RAPGEF2: variants seen among roughly 807,000 people sequenced by gnomAD.
The protein encoded by RAPGEF2 is Rap guanine nucleotide exchange factor 2.
In RAPGEF2, 54 loss-of-function variants were observed where a neutral mutation model predicts 186.7. The observed-to-expected ratio is 0.29, with a 90% CI of 0.23 to 0.36. The LOEUF is 0.36. Ranked by LOEUF, RAPGEF2 falls within the 10% of genes least tolerant of loss-of-function variation. The pLI is 1.00. For missense variants in RAPGEF2, 1,532 were observed against 2,045.0 expected (o/e 0.75, Z 4.84); for synonymous variants, 712 against 705.9 (o/e 1.01, Z -0.14).
intron 7 of RAPGEF2, among the ~76,000 whole-genome samples, chr4:159,246,053 A>G (rs1021645740): frequency 2.0e-5 from 3 of 152,158 alleles, no homozygotes; most frequent in Non-Finnish European, 4.4e-5. Flanking sequence ...AATAAAACAT[A>G]CTTATAAAGT....
At chr4:159,180,152 C>G (rs4690932) in intron 1 of RAPGEF2, among the ~76,000 whole-genome samples, 151,279 of 152,334 alleles carry the variant, frequency 0.99, 75,128 homozygotes, top group East Asian at 1. Context: ...CTTCCGTTTT[C>G]CTTTTTGTTG....
chr4:159,133,714 G>A (rs1741370602), intron 1 of RAPGEF2, among the ~76,000 whole-genome samples: 1 of 152,118 alleles, frequency 6.6e-6, no homozygotes, highest in East Asian at 1.9e-4. Flanking sequence ...CTCCCGAGTA[G>A]CTGGGACTAC....
chr4:159,338,190 G>A, intron 17 of RAPGEF2, 121 bp from the exon 18 acceptor site: 6 of 768,394 alleles, frequency 7.8e-6, no homozygotes, highest in Non-Finnish European at 1.2e-5. Context: ...TTTATTAATG[G>A]TGTTTTTACA....
At chr4:159,142,693 TTTAAA>T (rs1255529312) in intron 1 of RAPGEF2, among the ~76,000 whole-genome samples, 6 of 152,156 alleles carry the variant, frequency 3.9e-5, no homozygotes, top group Admixed American at 1.3e-4. Context: ...TTCTTTTCAG[TTTAAA>T]TTATAGAATG....
chr4:159,318,109 T>C lies in RAPGEF2; in HGVS notation c.853+3341T>C, dbSNP rs767188596. Among the ~76,000 whole-genome samples, 8 of 152,292 alleles carry C rather than the reference T, an allele frequency of 5.3e-5. No individual in the cohort carries two copies. In the East Asian group the frequency reaches 7.7e-4, roughly 15 times the overall value. On this transcript the variant is annotated intron_variant, in intron 9 of 29. Transcript: ENST00000691494. ...AATTGCTACAGGGAGTAGCATTTAT[T>C]TGAATACCAGTTTACTTGCAAGCAA...
intron 1 of RAPGEF2, among the ~76,000 whole-genome samples, chr4:159,128,449 A>G (rs1375464960): frequency 3.3e-5 from 5 of 152,168 alleles, no homozygotes; most frequent in African/African-American, 9.7e-5. Flanking sequence ...AAGTATTACT[A>G]TTGCTGACAT....
chr4:159,219,864 C>G (rs1048650963), intron 4 of RAPGEF2, among the ~76,000 whole-genome samples: 2 of 152,158 alleles, frequency 1.3e-5, no homozygotes, highest in South Asian at 4.1e-4. Context: ...GTTTGATATG[C>G]GTATACTTCT....
At chr4:159,178,388 T>A (rs757040540) in intron 1 of RAPGEF2, among the ~76,000 whole-genome samples, 1 of 152,034 alleles carries the variant, frequency 6.6e-6, no homozygotes, top group Non-Finnish European at 1.5e-5. Flanking sequence ...GTTAGTGAGA[T>A]CTTGATGCTG....
chr4:159,109,609 C>T (rs1738271038), intron 1 of RAPGEF2, among the ~76,000 whole-genome samples: 1 of 152,152 alleles, frequency 6.6e-6, no homozygotes, highest in Non-Finnish European at 1.5e-5. Flanking sequence ...AAATGTGTGT[C>T]CCTCAAGTAA....
At chr4:159,264,016 A>G (rs995265153) in intron 7 of RAPGEF2, among the ~76,000 whole-genome samples, 2 of 152,118 alleles carry the variant, frequency 1.3e-5, no homozygotes, top group African/African-American at 2.4e-5. Flanking sequence ...CTACTTGGTA[A>G]TGGTTAAGGA....
intron 1 of RAPGEF2, among the ~76,000 whole-genome samples, chr4:159,164,023 G>A (rs75997513): frequency 8.0e-6 from 1 of 125,026 alleles, no homozygotes; most frequent in African/African-American, 3.0e-5. Flanking sequence ...TTTTTTTTTT[G>A]AGACGGAGTC....
chr4:159,249,953 C>T lies in RAPGEF2; in HGVS notation c.543+6162C>T, dbSNP rs187433119. Among the ~76,000 whole-genome samples the T allele has an allele frequency of 2.6e-5, 4 of 152,130 alleles. No individual in the cohort carries two copies. The East Asian group carries it at 7.7e-4, about 29-fold the overall frequency. Reference sequence around the variant, plus strand: ...GCATATCCATTTCACAGATGTACTGCCTAGCATCCTTTGTGGTAATTAAAA... The same window carrying T: ...GCATATCCATTTCACAGATGTACTGTCTAGCATCCTTTGTGGTAATTAAAA... On this transcript the variant is annotated intron_variant, in intron 7 of 29. Transcript: ENST00000691494.
At chr4:159,305,330 C>T (rs1246625881) in intron 8 of RAPGEF2, among the ~76,000 whole-genome samples, 2 of 152,160 alleles carry the variant, frequency 1.3e-5, no homozygotes, top group African/African-American at 4.8e-5. Context: ...ATCTCCACAT[C>T]CTCACCATCT....
chr4:159,203,810 G>A (rs1749696912), intron 3 of RAPGEF2, among the ~76,000 whole-genome samples: 1 of 152,186 alleles, frequency 6.6e-6, no homozygotes, highest in African/African-American at 2.4e-5. Context: ...TTACCATCAT[G>A]CAAGGTACTG....
At chr4:159,164,726 TG>T (rs1745111408) in intron 1 of RAPGEF2, among the ~76,000 whole-genome samples, 1 of 152,214 alleles carries the variant, frequency 6.6e-6, no homozygotes, top group African/African-American at 2.4e-5. Flanking sequence ...AGCTTGAAAC[TG>T]ATATTTTGGT....
At chr4:159,131,519 A>ATTT (rs35670450) in intron 1 of RAPGEF2, among the ~76,000 whole-genome samples, 45 of 37,154 alleles carry the variant, frequency 1.2e-3, no homozygotes, top group Non-Finnish European at 1.5e-3. Context: ...ATTAATTGCT[A>ATTT]TTTTTTTTTT....
At chr4:159,216,762 T>C (rs533121780) in intron 4 of RAPGEF2, among the ~76,000 whole-genome samples, 8 of 152,312 alleles carry the variant, frequency 5.3e-5, no homozygotes, top group Admixed American at 2.0e-4. Context: ...TTGCACCACG[T>C]TGACTGTGTC....
chr4:159,277,572 T>G, intron 7 of RAPGEF2, among the ~76,000 whole-genome samples: 1 of 152,176 alleles, frequency 6.6e-6, no homozygotes, highest in Non-Finnish European at 1.5e-5. Context: ...TTTCTCCACA[T>G]CCTCTCCAGC....
intron 1 of RAPGEF2, among the ~76,000 whole-genome samples, chr4:159,116,509 CAA>C (rs1210426175): frequency 4.6e-5 from 7 of 152,140 alleles, no homozygotes; most frequent in African/African-American, 1.7e-4. Flanking sequence ...GGTGATTCCT[CAA>C]AGACCTAGAA....
Sources: allele counts gnomAD v4.1 joint callset (sites outside exome capture counted in the v4.1 genomes callset), GRCh38; gene constraint gnomAD v4.1.1; transcripts MANE v1.5; gene names NCBI Gene and HGNC (gene_info 2026-07-23, HGNC 2026-07-21).